Variants in TBPL2 observed in about 807,000 individuals in gnomAD.
The protein encoded by TBPL2 is TATA-box binding protein like 2.
Under a neutral mutation model 38.2 loss-of-function variants are expected in TBPL2, and 40 were observed. The ratio of observed to expected loss-of-function variants is 1.05; its 90% CI spans 0.81 to 1.36. The LOEUF (loss-of-function observed/expected upper bound fraction) is 1.36. TBPL2 is among the 40% of genes most tolerant of loss of function. The probability of loss-of-function intolerance (pLI) is 0.00; values close to 1 mark genes in which losing one functional copy is unlikely to be tolerated. For synonymous variants in TBPL2, 169 were observed against 171.7 expected, an observed-to-expected ratio of 0.98 and a Z score of 0.12; for missense variants, 461 against 456.7, an observed-to-expected ratio of 1.01 and a Z score of -0.09.
rs543205135 is a variant in TBPL2 at position 55,421,596 on chromosome 14, T to TG, written c.1051+2562dup. Among the ~76,000 whole-genome samples the TG allele has an allele frequency of 1.8e-3, 274 of 152,310 alleles. 1 individual carries two copies. The highest frequency in any genetic ancestry group is 3.3e-3 in the Non-Finnish European group (223 of 68,022). ...CTCCTGCCTCAGCCTCCCAAGTAGC[T>TG]GGGGTCACAGGTGCCTGCCACCATG... is the stretch of plus-strand genomic sequence containing the variant. On this transcript the variant is annotated intron_variant, in intron 6 of 6. Coordinates refer to ENST00000247219, the Ensembl canonical transcript of TBPL2.
chr14:55,419,301 A>T (rs1885710420), intron 6 of TBPL2, among the ~76,000 whole-genome samples: 1 of 152,242 alleles, frequency 6.6e-6, no homozygotes, highest in Non-Finnish European at 1.5e-5. Flanking sequence ...AGTACAACTC[A>T]CAGAGTTAAC....
At chr14:55,418,950 C>T (rs1438196877) in intron 6 of TBPL2, among the ~76,000 whole-genome samples, 10 of 152,162 alleles carry the variant, frequency 6.6e-5, no homozygotes, top group South Asian at 4.1e-4. Context: ...GAAACCAAGT[C>T]GGAGAACTTA....
chr14:55,435,775 T>C (rs1402266713), intron 3 of TBPL2, 72 bp downstream of exon 3: 26 of 1,127,052 alleles, frequency 2.3e-5, no homozygotes, highest in South Asian at 4.4e-5. Flanking sequence ...AATTAGTCAA[T>C]ATCATGATCA....
chr14:55,426,800 C>T (rs146936625), intron 5 of TBPL2, among the ~76,000 whole-genome samples: 154 of 152,298 alleles, frequency 1.0e-3, no homozygotes, highest in Admixed American at 1.8e-3. Context: ...GGGCCCACTC[C>T]GTCTGATGTA....
intron 6 of TBPL2, among the ~76,000 whole-genome samples, chr14:55,419,182 C>T (rs1885708771): frequency 6.6e-6 from 1 of 152,248 alleles, no homozygotes; most frequent in Non-Finnish European, 1.5e-5. Flanking sequence ...CCAGTGGGCT[C>T]TGGAGCCTGG....
exon 2 of TBPL2, chr14:55,436,744 A>G (rs143279424): frequency 8.7e-6 from 14 of 1,614,088 alleles, no homozygotes; most frequent in Admixed American, 3.3e-5. Context: ...GCCCAGCCCA[A>G]CGTCCTGTTC....
chr14:55,419,172 C>T (rs1320052607), intron 6 of TBPL2, among the ~76,000 whole-genome samples: 2 of 152,232 alleles, frequency 1.3e-5, no homozygotes, highest in African/African-American at 4.8e-5. Context: ...CAGGGTGAGC[C>T]CAGTGGGCTC....
intron 6 of TBPL2, among the ~76,000 whole-genome samples, chr14:55,416,423 C>G (rs1175844487): frequency 6.6e-6 from 1 of 151,576 alleles, no homozygotes; most frequent in Non-Finnish European, 1.5e-5. Flanking sequence ...GACACCCTGT[C>G]TCCATAAAAA....
At chr14:55,431,218 C>T (rs1351420397) in intron 4 of TBPL2, among the ~76,000 whole-genome samples, 2 of 152,102 alleles carry the variant, frequency 1.3e-5, no homozygotes, top group East Asian at 3.8e-4. Context: ...ACTCACTATC[C>T]AAAACTTCAA....
At chr14:55,435,992 A>AAAGAC in intron 2 of TBPL2, 58 bp from the exon 3 acceptor site, 1 of 1,151,690 alleles carries the variant, frequency 8.7e-7, no homozygotes, top group Non-Finnish European at 1.2e-6. Context: ...AAAAAAAAAA[A>AAAGAC]AGACAACTTA....
chr14:55,433,693 C>G (rs542835695), exon 4 of TBPL2: 3 of 1,614,042 alleles, frequency 1.9e-6, no homozygotes, highest in Admixed American at 3.3e-5. Flanking sequence ...CCTGGGCTCT[C>G]GGATCCTCAT....
chr14:55,438,964 G>A (rs1259985679), intron 1 of TBPL2: 1 of 140,750 alleles, frequency 7.1e-6, no homozygotes, highest in Non-Finnish European at 1.5e-5. Context: ...TTGAGACGGA[G>A]TCTCACTCTG....
intron 4 of TBPL2, among the ~76,000 whole-genome samples, chr14:55,430,509 T>C (rs1268620207): frequency 1.3e-5 from 2 of 151,826 alleles, no homozygotes; most frequent in Admixed American, 1.3e-4. Context: ...TGGCCTTAAG[T>C]GATCCTCCTG....
chr14:55,416,363 G>A (rs1037778903), intron 6 of TBPL2, among the ~76,000 whole-genome samples: 2 of 152,054 alleles, frequency 1.3e-5, no homozygotes, highest in Non-Finnish European at 2.9e-5. Flanking sequence ...AGGCCAAGGT[G>A]GGAGGATCCC....
chr14:55,415,891 T>C (rs988989699), intron 6 of TBPL2, among the ~76,000 whole-genome samples: 3 of 152,096 alleles, frequency 2.0e-5, no homozygotes, highest in Non-Finnish European at 4.4e-5. Context: ...ATGGTGTGTA[T>C]ATACAATAGA....
chr14:55,417,489 G>A (rs936109434), intron 6 of TBPL2, among the ~76,000 whole-genome samples: 4 of 142,976 alleles, frequency 2.8e-5, no homozygotes, highest in East Asian at 2.0e-4. Flanking sequence ...AGTCTCGCTC[G>A]GTCACCCAGG....
At chr14:55,426,105 A>G (rs1885817482) in intron 5 of TBPL2, among the ~76,000 whole-genome samples, 1 of 152,000 alleles carries the variant, frequency 6.6e-6, no homozygotes, top group South Asian at 2.1e-4. Flanking sequence ...CGTCTCTACT[A>G]AAAATACAAA....
At chr14:55,427,190 A>G (rs867658505) in intron 5 of TBPL2, among the ~76,000 whole-genome samples, 1 of 152,186 alleles carries the variant, frequency 6.6e-6, no homozygotes, top group African/African-American at 2.4e-5. Context: ...ATACCTAAAG[A>G]GGCAACATGT....
chr14:55,428,750 A>G, intron 5 of TBPL2, 57 bp downstream of exon 5: 4 of 1,536,264 alleles, frequency 2.6e-6, no homozygotes, highest in South Asian at 1.2e-5. Flanking sequence ...TAAGCAACCC[A>G]TAATGTAACT....
Sources: gnomAD v4.1 joint callset for allele counts (sites outside exome capture counted in the v4.1 genomes callset) on GRCh38, gnomAD v4.1.1 for gene constraint, MANE v1.5 for transcripts, NCBI Gene and HGNC (gene_info 2026-07-23, HGNC 2026-07-21) for gene names.